The following PPT1 variants were observed in gnomAD, a reference collection of about 807,000 sequenced individuals.
PPT1 encodes the protein ceroid-palmitoyl-palmitoyl-protein thioesterase 1.
In PPT1, 24 loss-of-function variants were observed where a neutral mutation model predicts 44.0. That is an observed-to-expected ratio of 0.54 (90% CI 0.39 to 0.77). PPT1 has a LOEUF of 0.77. Among genes scored for constraint, PPT1 ranks in the 30% least tolerant of loss-of-function variants. PPT1 has a pLI of 0.00. For missense variants in PPT1, 341 were observed against 378.8 expected, an observed-to-expected ratio of 0.90 and a Z score of 0.83; for synonymous variants, 148 against 140.2, an observed-to-expected ratio of 1.06 and a Z score of -0.39.
intron 5 of PPT1, among the ~76,000 whole-genome samples, chr1:40,084,406 G>T (rs1649144908): frequency 6.6e-6 from 1 of 152,230 alleles, no homozygotes; most frequent in Admixed American, 6.5e-5. Context: ...CATAAAAGCA[G>T]CGGCAGGGTT....
chr1:40,091,843 C>G (rs1262211640), intron 3 of PPT1, among the ~76,000 whole-genome samples: 1 of 128,052 alleles, frequency 7.8e-6, no homozygotes, highest in Non-Finnish European at 1.6e-5. Flanking sequence ...CCAGCCTGGG[C>G]AACAAGAGAG....
chr1:40,080,509 A>G, intron 5 of PPT1, 22 bp from the exon 6 acceptor site: 1 of 1,607,828 alleles, frequency 6.2e-7, no homozygotes, highest in Non-Finnish European at 8.5e-7. Flanking sequence ...AAAAAGAATG[A>G]GGTGATCAAG....
At position 40,089,559 on chromosome 1, in the gene PPT1, C is replaced by T. The variant is rs766311923; in HGVS notation, c.434-47G>A. On this transcript the variant is annotated intron_variant, in intron 4 of 8. Transcript: ENST00000642050. ...ATCCACTCCTTCAATAATGATGTAT[C>T]GAATACCCACTATGCACAAGGCACT... The T allele has an allele frequency of 5.2e-6, 7 of 1,350,318 alleles. No individual in the cohort carries two copies. The East Asian group carries it at 6.9e-5, about 13-fold the overall frequency. 83.6% of individuals were successfully genotyped at this position (1,350,318 alleles called of 1,614,324 possible). A position where few individuals can be genotyped will look rare whatever the true frequency, so the allele number is the denominator to read the frequency against.
At chr1:40,090,049 G>A (rs1286036421) in intron 4 of PPT1, among the ~76,000 whole-genome samples, 1 of 152,186 alleles carries the variant, frequency 6.6e-6, no homozygotes, top group African/African-American at 2.4e-5. Flanking sequence ...TAGACAATAA[G>A]GTATAAGCCA....
intron 5 of PPT1, among the ~76,000 whole-genome samples, chr1:40,086,770 G>A (rs998810648): frequency 1.3e-5 from 2 of 151,120 alleles, no homozygotes; most frequent in Non-Finnish European, 2.9e-5. Flanking sequence ...TGGTCTGCAT[G>A]GAGAGAAAGA....
At chr1:40,082,032 T>C (rs570466362) in intron 5 of PPT1, among the ~76,000 whole-genome samples, 2 of 152,334 alleles carry the variant, frequency 1.3e-5, no homozygotes, top group South Asian at 4.1e-4. Context: ...GGACTCTTTA[T>C]ACTTTCTTTC....
At chr1:40,089,345 T>A in intron 5 of PPT1, 65 bp downstream of exon 5, 1 of 1,210,576 alleles carries the variant, frequency 8.3e-7, no homozygotes, top group Middle Eastern at 1.9e-4. Context: ...ACTGTGAGCA[T>A]GAAAGTCAGC....
At chr1:40,076,371 A>G (rs373731798) in intron 8 of PPT1, among the ~76,000 whole-genome samples, 27 of 152,226 alleles carry the variant, frequency 1.8e-4, no homozygotes, top group Middle Eastern at 3.4e-3. Context: ...GGGCTGAGGC[A>G]GGAGAATTGC....
intron 1 of PPT1, 69 bp downstream of exon 1, chr1:40,097,046 T>G (rs1482935619): frequency 1.9e-6 from 3 of 1,613,292 alleles, no homozygotes; most frequent in Non-Finnish European, 2.5e-6. Flanking sequence ...CACCCGCATT[T>G]TGCAGATGCG....
At chr1:40,092,357 A>T (rs1399874573) in intron 2 of PPT1, 41 bp downstream of exon 2, 1 of 1,542,734 alleles carries the variant, frequency 6.5e-7, no homozygotes, top group South Asian at 1.1e-5. Flanking sequence ...CTATGAAATC[A>T]GTCAGCAACC....
intron 7 of PPT1, among the ~76,000 whole-genome samples, chr1:40,077,638 T>C (rs1444712227): frequency 6.6e-6 from 1 of 152,078 alleles, no homozygotes; most frequent in Non-Finnish European, 1.5e-5. Context: ...CAATCCCTGG[T>C]GGTGTGACAT....
At chr1:40,071,511 C>G (rs1385237929), downstream of PPT1, 2 of 1,613,116 alleles carry the variant, frequency 1.2e-6, no homozygotes, top group East Asian at 2.2e-5. Flanking sequence ...TTGGTCACCA[C>G]AGTGACAGAA....
intron 3 of PPT1, among the ~76,000 whole-genome samples, chr1:40,091,740 C>T (rs1162804035): frequency 6.6e-6 from 1 of 151,754 alleles, no homozygotes; most frequent in African/African-American, 2.4e-5. Flanking sequence ...TGGTGAGCAC[C>T]TATAGTCCCA....
rs766163400 is a variant in PPT1, at chr1:40,078,640, T to C, written c.646A>G (p.Lys216Glu). 1.9e-6 allele frequency: 3 copies of C among 1,613,796 alleles called. No individual in the cohort carries two copies. Among genetic ancestry groups the C allele is most frequent in the Non-Finnish European group, 2.5e-6 (3 of 1,179,770 alleles). Residue 216 changes from lysine to glutamate, a missense_variant, in exon 7 of 9, where the codon AAG becomes GAG. Coordinates refer to ENST00000642050, the MANE Select transcript of PPT1 (RefSeq NM_000310.4). Reference sequence around the variant, plus strand: ...TTCTTCAGGGCCATCAGGTTTTTCTTGTAGGACTCATTGATACCCTGAAAG... The same window carrying C: ...TTCTTCAGGGCCATCAGGTTTTTCTCGTAGGACTCATTGATACCCTGAAAG... ...NQERGINESY[K>E]KNLMALKKFV...
At chr1:40,086,162 G>T (rs1419132844) in intron 5 of PPT1, among the ~76,000 whole-genome samples, 1 of 152,194 alleles carries the variant, frequency 6.6e-6, no homozygotes, top group Non-Finnish European at 1.5e-5. Context: ...CTGGTACGGG[G>T]GAAGACGGAG....
At chr1:40,090,268 C>T (rs1649486332) in intron 4 of PPT1, among the ~76,000 whole-genome samples, 3 of 152,158 alleles carry the variant, frequency 2.0e-5, no homozygotes, top group South Asian at 4.1e-4. Flanking sequence ...CCTCCAGCCT[C>T]AGCCTCCCAA....
chr1:40,075,795 C>T (rs777087864), intron 8 of PPT1, among the ~76,000 whole-genome samples: 5 of 151,100 alleles, frequency 3.3e-5, no homozygotes, highest in African/African-American at 4.9e-5. Flanking sequence ...GAAACCCCGT[C>T]TCTACTAACA....
chr1:40,087,816 C>G (rs1374558918), intron 5 of PPT1, among the ~76,000 whole-genome samples: 1 of 151,916 alleles, frequency 6.6e-6, no homozygotes, highest in East Asian at 1.9e-4. Context: ...AAGGGGAAAG[C>G]TTGGTGTAGC....
At chr1:40,072,115 T>A, downstream of PPT1, 1 of 400,472 alleles carries the variant, frequency 2.5e-6, no homozygotes, top group Non-Finnish European at 4.4e-6. Context: ...TGGGTCTGCC[T>A]CAACCGTGAG....
Sources: allele counts gnomAD v4.1 joint callset (sites outside exome capture counted in the v4.1 genomes callset), GRCh38; gene constraint gnomAD v4.1.1; transcripts MANE v1.5; gene names NCBI Gene and HGNC (gene_info 2026-07-23, HGNC 2026-07-21).